CCR5AS: variants seen among roughly 807,000 people sequenced by gnomAD.
The protein encoded by CCR5AS is CCR5 antisense RNA.
chr3:46,375,776 G>A, intron 2 of CCR5AS: 1 of 166,328 alleles, frequency 6.0e-6, no homozygotes. Flanking sequence ...TTAGTGTTTG[G>A]GTATATTCAT....
intron 2 of CCR5AS, among the ~76,000 whole-genome samples, chr3:46,389,900 A>G (rs112537812): frequency 0.06 from 9,087 of 152,194 alleles, 899 homozygotes; most frequent in African/African-American, 0.2. Flanking sequence ...TTGATGGAGC[A>G]TTATACCAAG....
chr3:46,386,964 A>G (rs2106766578), intron 2 of CCR5AS, among the ~76,000 whole-genome samples: 1 of 152,286 alleles, frequency 6.6e-6, no homozygotes, highest in South Asian at 2.1e-4. Flanking sequence ...TGATGGGAAT[A>G]TGGAGATTTA....
chr3:46,368,272 G>T (rs1260811699), intron 3 of CCR5AS, among the ~76,000 whole-genome samples: 2 of 152,136 alleles, frequency 1.3e-5, no homozygotes, highest in Non-Finnish European at 2.9e-5. Context: ...ATTTCCTATG[G>T]GGTGTCCGAA....
intron 3 of CCR5AS, among the ~76,000 whole-genome samples, chr3:46,366,414 TACTGTACCTACATGGCACTAGCCTC>T (rs1701597941): frequency 6.6e-6 from 1 of 152,228 alleles, no homozygotes; most frequent in Admixed American, 6.5e-5. Flanking sequence ...AGACATCTGT[TACTGTACCTACATGGCACTAGCCTC>T]ACGCCTAGAC....
At chr3:46,369,235 C>T (rs1033464472) in intron 3 of CCR5AS, among the ~76,000 whole-genome samples, 2 of 152,254 alleles carry the variant, frequency 1.3e-5, no homozygotes, top group South Asian at 2.1e-4. Flanking sequence ...AAAACTAAGG[C>T]ACAGAGCTTC....
At chr3:46,395,395 G>A (rs1701950561) in intron 1 of CCR5AS, among the ~76,000 whole-genome samples, 1 of 152,140 alleles carries the variant, frequency 6.6e-6, no homozygotes, top group South Asian at 2.1e-4. Flanking sequence ...AGCTCAAGCA[G>A]AACCCGGAGG....
intron 1 of CCR5AS, among the ~76,000 whole-genome samples, chr3:46,393,802 A>G (rs1468469253): frequency 6.6e-6 from 1 of 152,226 alleles, no homozygotes; most frequent in Non-Finnish European, 1.5e-5. Context: ...GGCTTCCTGC[A>G]GGTGGTGTGG....
chr3:46,373,176 G>A lies in CCR5AS; in HGVS notation n.392-1759C>T, dbSNP rs766082963. On this transcript the variant is annotated intron_variant and non_coding_transcript_variant, in intron 2 of 3. Coordinates refer to ENST00000451485, the Ensembl canonical transcript of CCR5AS. ...CCCCTTCTGGGCTCACTATGCTGCC[G>A]CCCAGTGGGACTTTGGAAATACAAT... 1.1e-5 allele frequency: 18 copies of A among 1,614,038 alleles called. No homozygotes were observed. The highest frequency in any genetic ancestry group is 2.2e-5 in the East Asian group (1 of 44,902).
At chr3:46,399,769 C>T (rs1265231863) in intron 1 of CCR5AS, among the ~76,000 whole-genome samples, 2 of 152,048 alleles carry the variant, frequency 1.3e-5, no homozygotes, top group Admixed American at 6.5e-5. Flanking sequence ...CTGAGAAAAG[C>T]AGAAGATGAG....
chr3:46,397,931 T>G (rs1701975174), intron 1 of CCR5AS, among the ~76,000 whole-genome samples: 1 of 152,292 alleles, frequency 6.6e-6, no homozygotes, highest in African/African-American at 2.4e-5. Flanking sequence ...AAAGCCCACA[T>G]GCATCAAAAA....
intron 2 of CCR5AS, among the ~76,000 whole-genome samples, chr3:46,384,835 A>G (rs2106764248): frequency 6.6e-6 from 1 of 152,292 alleles, no homozygotes; most frequent in South Asian, 2.1e-4. Flanking sequence ...ATAGGTAGAT[A>G]GATGGATAGG....
At chr3:46,405,324 G>T (rs1337885374) in intron 1 of CCR5AS, among the ~76,000 whole-genome samples, 1 of 152,156 alleles carries the variant, frequency 6.6e-6, no homozygotes, top group Non-Finnish European at 1.5e-5. Flanking sequence ...GTTTTTACTT[G>T]GGAAATTTCA....
At chr3:46,395,129 A>T (rs1701948443) in intron 1 of CCR5AS, among the ~76,000 whole-genome samples, 1 of 152,002 alleles carries the variant, frequency 6.6e-6, no homozygotes, top group Non-Finnish European at 1.5e-5. Context: ...TCAAGGGAGG[A>T]CTTGGATTAT....
intron 2 of CCR5AS, chr3:46,375,213 A>T (rs1406501247): frequency 1.2e-5 from 2 of 167,050 alleles, no homozygotes; most frequent in Non-Finnish European, 2.9e-5. Context: ...TTCCCATCCC[A>T]GCTGAAATAC....
At chr3:46,403,653 C>A (rs1478675746) in intron 1 of CCR5AS, among the ~76,000 whole-genome samples, 1 of 152,188 alleles carries the variant, frequency 6.6e-6, no homozygotes, top group Non-Finnish European at 1.5e-5. Flanking sequence ...AAGAAGTTTG[C>A]AGAGTTGTGG....
At chr3:46,384,944 T>C (rs939544405) in intron 2 of CCR5AS, among the ~76,000 whole-genome samples, 6 of 152,116 alleles carry the variant, frequency 3.9e-5, no homozygotes, top group African/African-American at 1.4e-4. Flanking sequence ...TGAGTGTGGG[T>C]GTGTGTGTCT....
At chr3:46,398,965 GTTGCTGCCAGCAGA>G (rs1701985080) in intron 1 of CCR5AS, among the ~76,000 whole-genome samples, 2 of 152,214 alleles carry the variant, frequency 1.3e-5, no homozygotes, top group East Asian at 3.9e-4. Context: ...TTCTTGTTCA[GTTGCTGCCAGCAGA>G]TGTTATAGTT....
chr3:46,398,255 G>A (rs547282529), intron 1 of CCR5AS, among the ~76,000 whole-genome samples: 31 of 152,220 alleles, frequency 2.0e-4, no homozygotes, highest in Middle Eastern at 3.4e-3. Flanking sequence ...CAATGTTCCC[G>A]GCTGAAACAA....
downstream of CCR5AS, among the ~76,000 whole-genome samples, chr3:46,364,200 G>A (rs1437624409): frequency 6.6e-6 from 1 of 152,236 alleles, no homozygotes; most frequent in Admixed American, 6.5e-5. Flanking sequence ...CTAGAGAGGA[G>A]ATGTCAAGGC....
Sources: allele counts gnomAD v4.1 joint callset (sites outside exome capture counted in the v4.1 genomes callset), GRCh38; gene constraint gnomAD v4.1.1; transcripts MANE v1.5; gene names NCBI Gene and HGNC (gene_info 2026-07-23, HGNC 2026-07-21).